Variants in GUCY1A2 observed in about 807,000 individuals in gnomAD.
GUCY1A2 encodes guanylate cyclase soluble subunit alpha-2.
A neutral mutation model predicts 63.5 loss-of-function variants in GUCY1A2; 27 were observed. That is an observed-to-expected ratio of 0.43 (90% confidence interval 0.31 to 0.59). The LOEUF is 0.59. GUCY1A2 is among the 20% of genes least tolerant of loss of function. The probability of loss-of-function intolerance (pLI) is 0.11; values close to 1 mark genes in which losing one functional copy is unlikely to be tolerated. For synonymous variants in GUCY1A2, 364 were observed against 343.5 expected (o/e 1.06, Z -0.66); for missense variants, 768 against 913.3 (o/e 0.84, Z 2.05).
intron 6 of GUCY1A2, among the ~76,000 whole-genome samples, chr11:106,759,960 G>A (rs768681508): frequency 6.6e-6 from 1 of 152,100 alleles, no homozygotes; most frequent in Non-Finnish European, 1.5e-5. Flanking sequence ...GAGAAATCTG[G>A]ACACAGATAC....
At chr11:106,732,175 A>C (rs989730861) in intron 6 of GUCY1A2, among the ~76,000 whole-genome samples, 1 of 152,200 alleles carries the variant, frequency 6.6e-6, no homozygotes, top group African/African-American at 2.4e-5. Context: ...GTACAAAAAC[A>C]GACACACAGA....
intron 6 of GUCY1A2, among the ~76,000 whole-genome samples, chr11:106,732,828 T>C (rs552494669): frequency 2.6e-5 from 4 of 152,256 alleles, no homozygotes; most frequent in African/African-American, 9.6e-5. Flanking sequence ...GGAAGCTGAA[T>C]GATAACATCA....
chr11:106,786,243 A>G (rs1353808108), intron 5 of GUCY1A2, among the ~76,000 whole-genome samples: 1 of 152,182 alleles, frequency 6.6e-6, no homozygotes, highest in East Asian at 1.9e-4. Flanking sequence ...ACAAAACAAA[A>G]ACAAAACAGC....
rs75796457 is a variant in GUCY1A2, at chr11:106,677,567, A to G, written c.*9982T>C. 20,692 of 209,340 alleles carry G rather than the reference A, an allele frequency of 0.099. 1,362 individuals carry two copies. The highest frequency in any genetic ancestry group is 0.14 in the Non-Finnish European group (14,574 of 102,714). 13.0% of individuals were successfully genotyped at this position (209,340 alleles called of 1,614,324 possible). On this transcript the variant is annotated 3_prime_UTR_variant, in exon 8 of 8. Transcript: ENST00000526355. ...GTCCCTTTAAATATTCACTCTAATT[A>G]GCATATTTATTAAATTTCTTGTTTG...
chr11:106,811,646 C>A (rs1488723152), intron 4 of GUCY1A2, among the ~76,000 whole-genome samples: 4 of 152,012 alleles, frequency 2.6e-5, no homozygotes, highest in African/African-American at 9.6e-5. Context: ...CTCCCTTGTA[C>A]CATTCACCAA....
At chr11:106,851,810 CTCAG>C (rs149235076) in intron 4 of GUCY1A2, among the ~76,000 whole-genome samples, 2,470 of 151,958 alleles carry the variant, frequency 0.016, 25 homozygotes, top group Non-Finnish European at 0.026. Flanking sequence ...TGATCTTTTA[CTCAG>C]TATTTCTTTC....
At position 106,681,130 on chromosome 11, in the gene GUCY1A2, G is replaced by A. The variant is rs1005088177; in HGVS notation, c.*6419C>T. On this transcript the variant is annotated 3_prime_UTR_variant, in exon 8 of 8. Coordinates refer to ENST00000526355, the MANE Select transcript of GUCY1A2 (RefSeq NM_000855.3). ...ATCTGAAAGCTTTAGTGTTTTTTCA[G>A]TATTACTGAATAATCATTTTCAGAC... is the stretch of plus-strand genomic sequence containing the variant. The A allele has an allele frequency of 1.4e-5, 3 of 211,938 alleles. No individual in the cohort carries two copies. Among genetic ancestry groups the A allele is most frequent in the African/African-American group, 4.5e-5 (2 of 44,212 alleles). 13.1% of individuals were successfully genotyped at this position (211,938 alleles called of 1,614,324 possible).
intron 3 of GUCY1A2, among the ~76,000 whole-genome samples, chr11:106,966,924 TAGAA>T (rs1861133669): frequency 1.3e-5 from 2 of 151,828 alleles, no homozygotes; most frequent in Admixed American, 1.3e-4. Flanking sequence ...ATAATGAAAA[TAGAA>T]AGGTTATAGA....
At chr11:106,813,334 C>A in intron 4 of GUCY1A2, among the ~76,000 whole-genome samples, 1 of 151,876 alleles carries the variant, frequency 6.6e-6, no homozygotes, top group East Asian at 1.9e-4. Context: ...TTGTCAGGTT[C>A]TGTTAAACTA....
intron 6 of GUCY1A2, among the ~76,000 whole-genome samples, chr11:106,770,899 T>C (rs2135398571): frequency 6.6e-6 from 1 of 150,604 alleles, no homozygotes; most frequent in South Asian, 2.1e-4. Flanking sequence ...CAATTGAGAT[T>C]GCTAAACACA....
intron 4 of GUCY1A2, among the ~76,000 whole-genome samples, chr11:106,912,629 T>C (rs1254910009): frequency 6.6e-6 from 1 of 152,142 alleles, no homozygotes. Context: ...TCAATCATTA[T>C]GAAGGCTTGA....
intron 4 of GUCY1A2, among the ~76,000 whole-genome samples, chr11:106,934,686 G>C (rs181366073): frequency 2.8e-4 from 43 of 152,278 alleles, no homozygotes; most frequent in African/African-American, 8.9e-4. Flanking sequence ...AATTAAAAAA[G>C]AAATGTGTTT....
intron 3 of GUCY1A2, among the ~76,000 whole-genome samples, chr11:106,945,502 T>G (rs980645909): frequency 6.6e-6 from 1 of 152,112 alleles, no homozygotes. Flanking sequence ...TAGTGAGCAA[T>G]GAACCCTACA....
chr11:106,897,500 A>C (rs945542131), intron 4 of GUCY1A2, among the ~76,000 whole-genome samples: 3 of 152,082 alleles, frequency 2.0e-5, no homozygotes, highest in Non-Finnish European at 2.9e-5. Flanking sequence ...AAGAATAGAC[A>C]AATTGATCAA....
intron 6 of GUCY1A2, among the ~76,000 whole-genome samples, chr11:106,770,796 T>C (rs1864242384): frequency 6.6e-6 from 1 of 150,432 alleles, no homozygotes; most frequent in African/African-American, 2.4e-5. Flanking sequence ...ATTCCTGCTT[T>C]TGCACCAGGC....
At chr11:106,804,725 T>A (rs186076860) in intron 5 of GUCY1A2, among the ~76,000 whole-genome samples, 1 of 152,348 alleles carries the variant, frequency 6.6e-6, no homozygotes, top group Non-Finnish European at 1.5e-5. Context: ...AGATGTTTGA[T>A]GAGGTTGCCA....
chr11:106,837,312 T>C (rs1186788271), intron 4 of GUCY1A2, among the ~76,000 whole-genome samples: 1 of 151,954 alleles, frequency 6.6e-6, no homozygotes, highest in South Asian at 2.1e-4. Flanking sequence ...CCATGTCCCT[T>C]GCAAAGGATG....
chr11:106,895,323 C>T (rs929965075), intron 4 of GUCY1A2, among the ~76,000 whole-genome samples: 1 of 152,080 alleles, frequency 6.6e-6, no homozygotes, highest in Non-Finnish European at 1.5e-5. Flanking sequence ...ATAAATTATA[C>T]CATGCCATTT....
rs1284149860 is a variant in GUCY1A2 at position 106,766,932 on chromosome 11, ATAT to A, written c.1836+9504_1836+9506del. 2.0e-5 allele frequency among the ~76,000 whole-genome samples: 3 copies of A among 152,082 alleles called. No individual in the cohort carries two copies. In the South Asian group the frequency reaches 6.2e-4, roughly 31 times the overall value. On this transcript the variant is annotated intron_variant, in intron 6 of 7. Coordinates refer to ENST00000526355, the MANE Select transcript of GUCY1A2 (RefSeq NM_000855.3). ...ATTTACTGTCTCTACCAGGGAAAAA[ATAT>A]TGGCAGATGGAGATTCCTATTCTTT... is the stretch of plus-strand genomic sequence containing the variant.
Sources: gnomAD v4.1 joint callset for allele counts (sites outside exome capture counted in the v4.1 genomes callset) on GRCh38, gnomAD v4.1.1 for gene constraint, MANE v1.5 for transcripts, NCBI Gene and HGNC (gene_info 2026-07-23, HGNC 2026-07-21) for gene names.